Variants in BAZ2B observed in about 807,000 individuals in gnomAD.
BAZ2B encodes the protein bromodomain adjacent to zinc finger domain protein 2B.
Under a neutral mutation model 246.0 loss-of-function variants are expected in BAZ2B, and 91 were observed. That is an observed-to-expected ratio of 0.37 (90% CI 0.31 to 0.44). The LOEUF is 0.44. Among genes scored for constraint, BAZ2B ranks in the 20% least tolerant of loss-of-function variants. The probability of loss-of-function intolerance (pLI) is 1.00; values close to 1 mark genes in which losing one functional copy is unlikely to be tolerated. For synonymous variants in BAZ2B, 855 were observed against 860.0 expected (o/e 0.99, Z 0.10); for missense variants, 2,332 against 2,533.7 (o/e 0.92, Z 1.71).
intron 34 of BAZ2B, among the ~76,000 whole-genome samples, chr2:159,328,657 G>A (rs1382581520): frequency 6.6e-6 from 1 of 152,098 alleles, no homozygotes; most frequent in African/African-American, 2.4e-5. Context: ...CCCATGAGGG[G>A]TCCAATGAAC....
the BAZ2B span, among the ~76,000 whole-genome samples, chr2:159,632,977 G>A: frequency 6.6e-6 from 1 of 152,144 alleles, no homozygotes; most frequent in African/African-American, 2.4e-5. Flanking sequence ...AGACACAAGG[G>A]TTGGGTAAAA....
intron 3 of BAZ2B, among the ~76,000 whole-genome samples, chr2:159,474,097 T>C (rs2078189266): frequency 1.3e-5 from 2 of 152,170 alleles, no homozygotes; most frequent in Non-Finnish European, 1.5e-5. Context: ...CACAGCTGAG[T>C]TCAAGTCCCG....
Position 159,433,103 on chromosome 2 carries a change from C to T in BAZ2B, c.1554G>A (p.Lys518=). The change falls in exon 9 of 37, where the codon AAG becomes AAA. Residue 518 remains lysine, a synonymous_variant. Coordinates refer to ENST00000392783, the MANE Select transcript of BAZ2B (RefSeq NM_013450.4). ...ALTTKTKMQS[K]INENIAAASS... is the part of the protein sequence containing the mutation. The stretch of plus-strand genomic sequence containing the variant: ...TTGCAGCAGCAATGTTTTCATTAAT[C>T]TTGCTCTGCATTTTAGTTTTGGTAG... 1.2e-6 allele frequency: 2 copies of T among 1,614,178 alleles called. No individual in the cohort carries two copies. The highest frequency in any genetic ancestry group is 4.5e-5 in the East Asian group (2 of 44,886).
rs962362454 is a variant in BAZ2B, at chr2:159,439,365, C to G, written c.697-153G>C. The stretch of plus-strand genomic sequence containing the variant: ...ACATATCGTAAGGATAATTATTTAA[C>G]AAACTGATCAACTTAACTTACATGA... On this transcript the variant is annotated intron_variant, in intron 6 of 36. Transcript: ENST00000392783. 4.1e-4 allele frequency among the ~76,000 whole-genome samples: 63 copies of G among 152,154 alleles called. 1 individual carries two copies. Among genetic ancestry groups the G allele is most frequent in the Non-Finnish European group, 2.9e-5 (2 of 68,032 alleles).
chr2:159,464,286 T>C (rs1019865459), intron 3 of BAZ2B: 14 of 152,222 alleles, frequency 9.2e-5, no homozygotes, highest in Admixed American at 3.9e-4. Flanking sequence ...GTCTCCCTAG[T>C]TTTGTACAGT....
At chr2:159,333,920 C>T (rs2065193918) in intron 33 of BAZ2B, among the ~76,000 whole-genome samples, 1 of 152,126 alleles carries the variant, frequency 6.6e-6, no homozygotes, top group Non-Finnish European at 1.5e-5. Context: ...AGCAGTTTAA[C>T]ATTCCAATAA....
At chr2:159,636,728 C>T in the BAZ2B span, among the ~76,000 whole-genome samples, 1 of 152,118 alleles carries the variant, frequency 6.6e-6, no homozygotes, top group South Asian at 2.1e-4. Context: ...TATAGGAGTG[C>T]TTATGCCATC....
chr2:159,506,351 C>T (rs1289693077), intron 2 of BAZ2B, among the ~76,000 whole-genome samples: 1 of 152,074 alleles, frequency 6.6e-6, no homozygotes, highest in Non-Finnish European at 1.5e-5. Context: ...CCCAGCTATC[C>T]AGGAGATCTG....
At chr2:159,394,667 C>G (rs1009624346) in intron 20 of BAZ2B, among the ~76,000 whole-genome samples, 1 of 152,168 alleles carries the variant, frequency 6.6e-6, no homozygotes, top group African/African-American at 2.4e-5. Context: ...TCTACACATA[C>G]GTAGTATCAA....
intron 2 of BAZ2B, among the ~76,000 whole-genome samples, chr2:159,528,251 G>T (rs1355067659): frequency 6.6e-6 from 1 of 152,120 alleles, no homozygotes; most frequent in Non-Finnish European, 1.5e-5. Context: ...TAGTTAGGGG[G>T]TTACTGTGAC....
the BAZ2B span, among the ~76,000 whole-genome samples, chr2:159,681,202 C>T: frequency 1.6e-4 from 24 of 151,590 alleles, no homozygotes; most frequent in African/African-American, 2.2e-4. Flanking sequence ...AGAAAATTAC[C>T]GTAAGAGAAA....
At chr2:159,415,750 C>G (rs1042046801) in intron 13 of BAZ2B, among the ~76,000 whole-genome samples, 1 of 152,120 alleles carries the variant, frequency 6.6e-6, no homozygotes, top group African/African-American at 2.4e-5. Flanking sequence ...TACGTTATAA[C>G]ATGATTTGCC....
At chr2:159,355,122 A>C (rs2058963193) in intron 27 of BAZ2B, among the ~76,000 whole-genome samples, 1 of 152,190 alleles carries the variant, frequency 6.6e-6, no homozygotes, top group Non-Finnish European at 1.5e-5. Flanking sequence ...TAAAACTTTC[A>C]GAGAGTTTTT....
At chr2:159,487,323 T>A (rs144463608) in intron 2 of BAZ2B, among the ~76,000 whole-genome samples, 1 of 152,334 alleles carries the variant, frequency 6.6e-6, no homozygotes, top group African/African-American at 2.4e-5. Context: ...TTGTATGTTT[T>A]GTACATTGTG....
chr2:159,417,175 G>GTT (rs536077331), intron 13 of BAZ2B, among the ~76,000 whole-genome samples: 11 of 134,566 alleles, frequency 8.2e-5, no homozygotes, highest in East Asian at 2.1e-4. Flanking sequence ...TTTTTTTTTT[G>GTT]TTTTTTTTTT....
intron 2 of BAZ2B, among the ~76,000 whole-genome samples, chr2:159,537,938 A>T (rs1464338325): frequency 6.6e-6 from 1 of 152,162 alleles, no homozygotes; most frequent in South Asian, 2.1e-4. Flanking sequence ...CTATGTTAGA[A>T]ATTGTCTTCT....
At position 159,555,872 on chromosome 2, in the gene BAZ2B, T is replaced by C. The variant is rs1009669065; in HGVS notation, c.-45-7A>G. 2.0e-5 allele frequency: 3 copies of C among 151,334 alleles called. No homozygotes were observed. The highest frequency in any genetic ancestry group is 1.9e-4 in the East Asian group (1 of 5,188). The allele number at this position is 151,334 out of a possible 1,614,324, so 9.4% of individuals were successfully genotyped here. ...GACATCACTGTTGGGAAACCTGCAA[T>C]AGGAAAACAAGAATTAGCAATCAGC... On this transcript the variant is annotated splice_polypyrimidine_tract_variant and splice_region_variant and intron_variant, in intron 1 of 36. Coordinates refer to ENST00000392783, the MANE Select transcript of BAZ2B (RefSeq NM_013450.4).
At chr2:159,528,318 A>C (rs1240252113) in intron 2 of BAZ2B, among the ~76,000 whole-genome samples, 1 of 152,092 alleles carries the variant, frequency 6.6e-6, no homozygotes, top group Non-Finnish European at 1.5e-5. Flanking sequence ...ATGAACAGAG[A>C]AGGAAAGATG....
chr2:159,688,688 A>G, the BAZ2B span, among the ~76,000 whole-genome samples: 2 of 152,198 alleles, frequency 1.3e-5, no homozygotes, highest in Admixed American at 1.3e-4. Flanking sequence ...TTTAATTGTC[A>G]TACCTCTTTG....
Sources: allele counts gnomAD v4.1 joint callset (sites outside exome capture counted in the v4.1 genomes callset), GRCh38; gene constraint gnomAD v4.1.1; transcripts MANE v1.5; gene names NCBI Gene and HGNC (gene_info 2026-07-23, HGNC 2026-07-21).